The following WWOX variants were observed in gnomAD, a reference collection of about 807,000 sequenced individuals.
The protein encoded by WWOX is WW domain containing oxidoreductase, also known as WW domain-containing oxidoreductase.
In WWOX, 69 loss-of-function variants were observed where a neutral mutation model predicts 46.2. That is an observed-to-expected ratio of 1.49 (90% CI 1.23 to 1.82). WWOX has a LOEUF of 1.82. Among genes scored for constraint, WWOX ranks in the 40% most tolerant of loss-of-function variants. The pLI, the probability that WWOX is intolerant of heterozygous loss-of-function variation, is 0.00. For missense variants in WWOX, 919 were observed against 542.6 expected, an observed-to-expected ratio of 1.69 and a Z score of -6.89; for synonymous variants, 359 against 202.6, an observed-to-expected ratio of 1.77 and a Z score of -6.56.
intron 5 of WWOX, among the ~76,000 whole-genome samples, chr16:78,319,825 T>C (rs1434558097): frequency 2.0e-5 from 3 of 152,156 alleles, no homozygotes; most frequent in African/African-American, 7.2e-5. Context: ...TCTTTCAGCC[T>C]GTGAGGAAGC....
intron 8 of WWOX, among the ~76,000 whole-genome samples, chr16:79,185,811 A>G (rs1478754818): frequency 6.6e-6 from 1 of 152,176 alleles, no homozygotes; most frequent in African/African-American, 2.4e-5. Flanking sequence ...TGCATCGGAC[A>G]CTGCCTAGTG....
chr16:79,012,593 A>G (rs1350750816), intron 8 of WWOX, among the ~76,000 whole-genome samples: 2 of 152,206 alleles, frequency 1.3e-5, no homozygotes, highest in East Asian at 3.9e-4. Flanking sequence ...CATATGGCTG[A>G]GGGCTACTCT....
intron 5 of WWOX, among the ~76,000 whole-genome samples, chr16:78,323,797 C>T (rs557859343): frequency 2.0e-4 from 30 of 152,172 alleles, no homozygotes; most frequent in South Asian, 6.2e-4. Context: ...TTCCTTTGTC[C>T]GGCATACTTG....
intron 6 of WWOX, among the ~76,000 whole-genome samples, chr16:78,399,561 C>T (rs925177171): frequency 2.0e-5 from 3 of 152,168 alleles, no homozygotes; most frequent in Non-Finnish European, 2.9e-5. Context: ...CAAGCCTGCT[C>T]TTTGACCTGC....
intron 8 of WWOX, among the ~76,000 whole-genome samples, chr16:78,779,976 T>C (rs1043371300): frequency 1.3e-5 from 2 of 152,316 alleles, no homozygotes; most frequent in East Asian, 3.9e-4. Flanking sequence ...CTTTCTTGTT[T>C]AGTGTTGTGT....
intron 8 of WWOX, among the ~76,000 whole-genome samples, chr16:78,504,291 G>T (rs1019640339): frequency 1.3e-5 from 2 of 152,194 alleles, no homozygotes; most frequent in Non-Finnish European, 2.9e-5. Flanking sequence ...GGGGGAAAAG[G>T]TTTAAAAACA....
Position 79,098,305 on chromosome 16 carries a change from T to C in WWOX, c.1057-113303T>C, listed in dbSNP as rs2049117945. 3.3e-5 allele frequency among the ~76,000 whole-genome samples: 5 copies of C among 152,222 alleles called. No individual in the cohort carries two copies. The South Asian group carries it at 1.0e-3, about 32-fold the overall frequency. On this transcript the variant is annotated intron_variant, in intron 8 of 8. Transcript: ENST00000566780. ...AGTAGAGGAGGAAACTGAGTCTCAG[T>C]GTCTGAGACAGACAGTGGGGATTGA...
chr16:78,317,736 C>A (rs1010096239), intron 5 of WWOX, among the ~76,000 whole-genome samples: 1 of 152,132 alleles, frequency 6.6e-6, no homozygotes, highest in African/African-American at 2.4e-5. Flanking sequence ...CCATGGGCCC[C>A]CTTCACGGTG....
intron 6 of WWOX, among the ~76,000 whole-genome samples, chr16:78,402,281 G>A (rs1349731733): frequency 6.6e-6 from 1 of 152,004 alleles, no homozygotes; most frequent in Admixed American, 6.5e-5. Flanking sequence ...TGTTCTAGAG[G>A]TTCATTTATG....
At chr16:78,158,259 CATT>C (rs1258975199) in intron 4 of WWOX, among the ~76,000 whole-genome samples, 15 of 152,200 alleles carry the variant, frequency 9.9e-5, no homozygotes, top group Non-Finnish European at 1.6e-4. Flanking sequence ...TGCATATTAA[CATT>C]ATCTTGTAAA....
At chr16:78,728,444 T>C (rs2048888358) in intron 8 of WWOX, among the ~76,000 whole-genome samples, 1 of 152,192 alleles carries the variant, frequency 6.6e-6, no homozygotes, top group South Asian at 2.1e-4. Context: ...CTACATTTCT[T>C]CTCCAGTGCT....
rs1470310451 is a variant in WWOX at position 78,262,673 on chromosome 16, A to G, written c.516+98384A>G. ...GGTCAGGCAAAGGGGACAGGACAGG[A>G]ACTCAGGAGGAGGGGATATTTAGAC... On this transcript the variant is annotated intron_variant, in intron 5 of 8. Coordinates refer to ENST00000566780, the MANE Select transcript of WWOX (RefSeq NM_016373.4). Among the ~76,000 whole-genome samples the G allele has an allele frequency of 5.3e-5, 8 of 152,164 alleles. No individual in the cohort carries two copies. In the East Asian group the frequency reaches 1.4e-3, roughly 26 times the overall value.
At chr16:78,823,829 A>G (rs905848739) in intron 8 of WWOX, among the ~76,000 whole-genome samples, 1 of 151,540 alleles carries the variant, frequency 6.6e-6, no homozygotes, top group African/African-American at 2.4e-5. Context: ...GAGCTAGAGT[A>G]CAATGGTATG....
At chr16:78,942,267 T>G (rs907391702) in intron 8 of WWOX, among the ~76,000 whole-genome samples, 7 of 152,172 alleles carry the variant, frequency 4.6e-5, no homozygotes, top group African/African-American at 1.7e-4. Flanking sequence ...TAGTTGTTCC[T>G]CGTGCTGCCA....
intron 5 of WWOX, among the ~76,000 whole-genome samples, chr16:78,228,440 C>T (rs1229542211): frequency 6.8e-6 from 1 of 148,000 alleles, no homozygotes; most frequent in African/African-American, 2.5e-5. Flanking sequence ...CTCCTGGGTT[C>T]AAGAGATCCT....
intron 8 of WWOX, among the ~76,000 whole-genome samples, chr16:78,951,400 A>T (rs1159141999): frequency 1.3e-5 from 2 of 152,104 alleles, no homozygotes; most frequent in South Asian, 2.1e-4. Context: ...CATGTAAATC[A>T]TTGAGCCAAT....
chr16:78,341,541 A>G lies in WWOX; in HGVS notation c.517-45319A>G, dbSNP rs1234412256. Among the ~76,000 whole-genome samples, 14 of 120,294 alleles carry G rather than the reference A, an allele frequency of 1.2e-4. 5 individuals carry two copies. The highest frequency in any genetic ancestry group is 3.9e-4 in the East Asian group (2 of 5,192). The allele number at this position is 120,294 out of a possible 152,430, so 78.9% of individuals were successfully genotyped here. On this transcript the variant is annotated intron_variant, in intron 5 of 8. Coordinates refer to ENST00000566780, the MANE Select transcript of WWOX (RefSeq NM_016373.4). ...TTTGGGAAAATTTGAGCAGCAAACC[A>G]TAAGTTTCTTGGTGTCTGTGTACTT...
At chr16:79,086,975 C>G (rs1414920073) in intron 8 of WWOX, among the ~76,000 whole-genome samples, 1 of 152,184 alleles carries the variant, frequency 6.6e-6, no homozygotes, top group Non-Finnish European at 1.5e-5. Flanking sequence ...AGCCCCGTGT[C>G]TGAATGGGAT....
intron 8 of WWOX, among the ~76,000 whole-genome samples, chr16:78,745,129 G>A (rs560429136): frequency 6.6e-5 from 10 of 152,284 alleles, no homozygotes; most frequent in Admixed American, 2.0e-4. Flanking sequence ...AGTTTAGAGT[G>A]GAGTTTGAAT....
Sources: allele counts gnomAD v4.1 joint callset (sites outside exome capture counted in the v4.1 genomes callset), GRCh38; gene constraint gnomAD v4.1.1; transcripts MANE v1.5; gene names NCBI Gene and HGNC (gene_info 2026-07-23, HGNC 2026-07-21).